BLTP1: variants seen among roughly 807,000 people sequenced by gnomAD.
The protein encoded by BLTP1 is fragile site-associated protein.
chr4:122,158,714 T>C, the BLTP1 span, among the ~76,000 whole-genome samples: 2 of 152,114 alleles, frequency 1.3e-5, no homozygotes, highest in Non-Finnish European at 2.9e-5. Flanking sequence ...GGGCTTGCAG[T>C]GAGCTGAGAT....
the BLTP1 span, chr4:122,246,836 C>T: frequency 6.2e-7 from 1 of 1,603,022 alleles, no homozygotes. Context: ...TTAATCTGAG[C>T]CATGATTATC....
chr4:122,351,235 C>T, the BLTP1 span: 17 of 878,114 alleles, frequency 1.9e-5, no homozygotes, highest in Admixed American at 3.7e-4. Flanking sequence ...AGAAGTAATA[C>T]GTATACATTG....
chr4:122,346,976 G>C, the BLTP1 span: 6 of 774,564 alleles, frequency 7.7e-6, no homozygotes, highest in African/African-American at 1.1e-4. Flanking sequence ...TGTCTTCTTT[G>C]AGATTACATT....
At chr4:122,352,269 A>G in the BLTP1 span, among the ~76,000 whole-genome samples, 1 of 152,120 alleles carries the variant, frequency 6.6e-6, no homozygotes, top group Non-Finnish European at 1.5e-5. Context: ...TTACAAAGTT[A>G]TAATGAGAAT....
the BLTP1 span, chr4:122,209,434 C>G: frequency 8.1e-7 from 1 of 1,237,972 alleles, no homozygotes; most frequent in South Asian, 1.3e-5. Context: ...CACCTGAGAT[C>G]AGGAGTTCGA....
chr4:122,172,830 G>T, the BLTP1 span, among the ~76,000 whole-genome samples: 1 of 152,164 alleles, frequency 6.6e-6, no homozygotes, highest in Non-Finnish European at 1.5e-5. Context: ...AAAGTAAACA[G>T]AAATGAAAGC....
At chr4:122,215,492 G>T in the BLTP1 span, 1 of 985,242 alleles carries the variant, frequency 1.0e-6, no homozygotes, top group African/African-American at 1.7e-5. Flanking sequence ...TGTTTGGGGA[G>T]AAGGTGGGAC....
At chr4:122,244,590 A>G in the BLTP1 span, 1 of 923,106 alleles carries the variant, frequency 1.1e-6, no homozygotes, top group Non-Finnish European at 1.3e-6. Context: ...AAAAATGAGA[A>G]TGGAACATAA....
At chr4:122,222,877 G>A in the BLTP1 span, 4,702 of 463,142 alleles carry the variant, frequency 0.01, 34 homozygotes, top group Non-Finnish European at 0.012. Context: ...TTCAACCCAC[G>A]CATGATGCAA....
chr4:122,193,924 G>A, the BLTP1 span, among the ~76,000 whole-genome samples: 4 of 151,752 alleles, frequency 2.6e-5, no homozygotes, highest in Admixed American at 6.6e-5. Context: ...GTGCAGTGGC[G>A]GGATCTCGGC....
the BLTP1 span, chr4:122,175,987 T>C: frequency 1.7e-5 from 14 of 820,664 alleles, no homozygotes; most frequent in Middle Eastern, 2.3e-4. Context: ...TAATTAAAAT[T>C]AGATATGACC....
the BLTP1 span, among the ~76,000 whole-genome samples, chr4:122,311,903 T>G: frequency 4.6e-5 from 7 of 152,300 alleles, no homozygotes; most frequent in South Asian, 1.5e-3. Context: ...ACAGGTATTA[T>G]GGGGAAGAGA....
chr4:122,227,057 A>G, the BLTP1 span: 3 of 560,730 alleles, frequency 5.4e-6, no homozygotes, highest in Non-Finnish European at 7.6e-6. Flanking sequence ...ACAGAATTAT[A>G]AAAATTATAT....
At chr4:122,346,449 G>A in the BLTP1 span, 1 of 984,360 alleles carries the variant, frequency 1.0e-6, no homozygotes, top group Non-Finnish European at 1.2e-6. Flanking sequence ...AAAGGGAAGT[G>A]GTACTAACAG....
chr4:122,334,207 C>G, the BLTP1 span: 3 of 824,132 alleles, frequency 3.6e-6, no homozygotes, highest in Non-Finnish European at 5.6e-6. Flanking sequence ...AGAAACTTGC[C>G]AGGATCACAA....
the BLTP1 span, chr4:122,251,120 G>GGC: frequency 1.0e-6 from 1 of 984,442 alleles, no homozygotes; most frequent in East Asian, 1.1e-4. Flanking sequence ...ACTAACTGGT[G>GGC]ACCTGGGGCA....
chr4:122,280,070 G>T, the BLTP1 span: 6 of 1,590,532 alleles, frequency 3.8e-6, no homozygotes, highest in Non-Finnish European at 5.1e-6. Flanking sequence ...GGAGGGAGAT[G>T]AAGGGTTACT....
the BLTP1 span, chr4:122,348,587 A>G: frequency 9.4e-6 from 15 of 1,597,864 alleles, no homozygotes; most frequent in South Asian, 1.0e-4. Context: ...AAAAACATCA[A>G]CTCCTTTTAA....
chr4:122,348,202 G>C, the BLTP1 span, among the ~76,000 whole-genome samples: 1 of 152,132 alleles, frequency 6.6e-6, no homozygotes, highest in East Asian at 1.9e-4. Context: ...ATTTCAGAAT[G>C]GTTTCTGCCT....
Sources: allele counts gnomAD v4.1 joint callset (sites outside exome capture counted in the v4.1 genomes callset), GRCh38; gene constraint gnomAD v4.1.1; transcripts MANE v1.5; gene names NCBI Gene and HGNC (gene_info 2026-07-23, HGNC 2026-07-21).